The following CCBE1 variants were observed in gnomAD, a reference collection of about 807,000 sequenced individuals.
CCBE1 encodes collagen and calcium-binding EGF domain-containing protein 1.
In CCBE1, 37 loss-of-function variants were observed where a neutral mutation model predicts 50.0. That is an observed-to-expected ratio of 0.74 (90% CI 0.57 to 0.97). The LOEUF (loss-of-function observed/expected upper bound fraction) is 0.97, where lower values mean the gene tolerates loss of function less well. Ranked by LOEUF, CCBE1 falls within the 50% of genes least tolerant of loss-of-function variation. CCBE1 has a pLI of 0.00. For synonymous variants in CCBE1, 234 were observed against 203.7 expected (o/e 1.15, Z -1.27); for missense variants, 538 against 523.8 (o/e 1.03, Z -0.26).
intron 2 of CCBE1, among the ~76,000 whole-genome samples, chr18:59,648,648 G>A (rs2054087491): frequency 1.3e-5 from 2 of 152,332 alleles, no homozygotes; most frequent in South Asian, 4.1e-4. Flanking sequence ...GTTGCAGTGA[G>A]CCAGGATCAC....
intron 2 of CCBE1, among the ~76,000 whole-genome samples, chr18:59,649,250 C>T (rs1039743335): frequency 7.9e-5 from 12 of 152,166 alleles, no homozygotes; most frequent in Non-Finnish European, 1.5e-4. Flanking sequence ...GTTGTTGTAC[C>T]TCTGGGCTCA....
chr18:59,581,771 C>A (rs1259430156), intron 2 of CCBE1, among the ~76,000 whole-genome samples: 3 of 152,152 alleles, frequency 2.0e-5, no homozygotes, highest in Admixed American at 6.5e-5. Flanking sequence ...TAGCAGCATT[C>A]CTGGTATCCA....
At chr18:59,454,218 C>CGGAA (rs1568147339) in intron 6 of CCBE1, among the ~76,000 whole-genome samples, 1 of 152,014 alleles carries the variant, frequency 6.6e-6, no homozygotes, top group African/African-American at 2.4e-5. Context: ...AGATTATTTC[C>CGGAA]ATAATCTATG....
At chr18:59,688,866 G>A (rs964699933) in intron 2 of CCBE1, among the ~76,000 whole-genome samples, 32 of 152,122 alleles carry the variant, frequency 2.1e-4, no homozygotes, top group African/African-American at 7.7e-4. Flanking sequence ...AGATGAAGAT[G>A]AGTAAGTGAC....
intron 2 of CCBE1, among the ~76,000 whole-genome samples, chr18:59,620,270 C>T (rs1036024863): frequency 1.1e-4 from 17 of 152,068 alleles, no homozygotes; most frequent in Admixed American, 5.2e-4. Flanking sequence ...GAGAGATTAC[C>T]CTGGCTAAAC....
chr18:59,453,338 A>G (rs1911029689), intron 6 of CCBE1, among the ~76,000 whole-genome samples: 1 of 152,178 alleles, frequency 6.6e-6, no homozygotes. Flanking sequence ...AATACAACTA[A>G]CATCAACCTA....
At chr18:59,499,252 C>G (rs915840088) in intron 2 of CCBE1, among the ~76,000 whole-genome samples, 2 of 152,086 alleles carry the variant, frequency 1.3e-5, no homozygotes, top group African/African-American at 4.8e-5. Flanking sequence ...GATGGAATTT[C>G]AGGCACTATA....
At chr18:59,582,714 C>G (rs1365661570) in intron 2 of CCBE1, among the ~76,000 whole-genome samples, 1 of 152,206 alleles carries the variant, frequency 6.6e-6, no homozygotes, top group African/African-American at 2.4e-5. Context: ...CTACCCTGCT[C>G]CCAAACTCTT....
chr18:59,432,450 C>T lies in CCBE1; in HGVS notation c.*3458G>A, dbSNP rs967845498. The T allele has an allele frequency of 6.6e-6, 1 of 152,110 alleles. No individual in the cohort carries two copies. The highest frequency in any genetic ancestry group is 1.5e-5 in the Non-Finnish European group (1 of 68,008). 9.4% of individuals were successfully genotyped at this position (152,110 alleles called of 1,614,324 possible). A position where few individuals can be genotyped will look rare whatever the true frequency, so the allele number is the denominator to read the frequency against. On this transcript the variant is annotated 3_prime_UTR_variant, in exon 11 of 11. Transcript: ENST00000439986. ...TAGAAGCACTGTTACAAATCTTACC[C>T]CAGAAATAGCTTTCCCATTAGGTTT... is the stretch of plus-strand genomic sequence containing the variant.
chr18:59,643,479 G>T (rs552180749), intron 2 of CCBE1, among the ~76,000 whole-genome samples: 1 of 152,240 alleles, frequency 6.6e-6, no homozygotes, highest in South Asian at 2.1e-4. Flanking sequence ...TGTTCAAGTG[G>T]TTTAGGGAAA....
At chr18:59,633,453 T>C (rs756027048) in intron 2 of CCBE1, among the ~76,000 whole-genome samples, 1 of 152,248 alleles carries the variant, frequency 6.6e-6, no homozygotes, top group Non-Finnish European at 1.5e-5. Flanking sequence ...TGTTTCATTA[T>C]TTATTGCCAA....
chr18:59,540,731 A>T (rs1280278396), intron 2 of CCBE1, among the ~76,000 whole-genome samples: 1 of 152,266 alleles, frequency 6.6e-6, no homozygotes, highest in Admixed American at 6.5e-5. Flanking sequence ...GAACACAGAC[A>T]TGCCCTTTAT....
At chr18:59,466,249 A>AC (rs1911734620) in intron 5 of CCBE1, among the ~76,000 whole-genome samples, 1 of 152,024 alleles carries the variant, frequency 6.6e-6, no homozygotes, top group African/African-American at 2.4e-5. Flanking sequence ...TAATTGAATC[A>AC]TGGGGGCAGG....
intron 2 of CCBE1, among the ~76,000 whole-genome samples, chr18:59,686,526 G>C (rs1221253086): frequency 6.6e-6 from 1 of 152,220 alleles, no homozygotes; most frequent in Non-Finnish European, 1.5e-5. Context: ...GCTTCTGACA[G>C]TGAGTCCTCA....
At chr18:59,616,892 T>C (rs796620576) in intron 2 of CCBE1, among the ~76,000 whole-genome samples, 32 of 152,326 alleles carry the variant, frequency 2.1e-4, no homozygotes, top group African/African-American at 7.5e-4. Context: ...GCAAGTCAGT[T>C]CATCACTCCA....
intron 2 of CCBE1, among the ~76,000 whole-genome samples, chr18:59,671,375 A>G (rs961803375): frequency 2.3e-4 from 35 of 151,904 alleles, no homozygotes; most frequent in African/African-American, 8.0e-4. Flanking sequence ...GGAGGCGTCT[A>G]TAGTCCCAGC....
intron 3 of CCBE1, among the ~76,000 whole-genome samples, chr18:59,471,887 G>C (rs966279667): frequency 6.6e-6 from 1 of 152,228 alleles, no homozygotes; most frequent in African/African-American, 2.4e-5. Context: ...TTCAATAGCA[G>C]CTGCAAGCCG....
intron 2 of CCBE1, among the ~76,000 whole-genome samples, chr18:59,530,641 G>A (rs4566280): frequency 0.28 from 42,111 of 152,072 alleles, 6,017 homozygotes; most frequent in African/African-American, 0.33. Flanking sequence ...AAAGGCACAA[G>A]CATTCACATG....
intron 3 of CCBE1, among the ~76,000 whole-genome samples, chr18:59,473,005 C>T (rs1912110118): frequency 3.3e-5 from 5 of 152,192 alleles, no homozygotes; most frequent in African/African-American, 7.2e-5. Flanking sequence ...ATTCAATTAT[C>T]TCCACCTGGC....
Sources: allele counts gnomAD v4.1 joint callset (sites outside exome capture counted in the v4.1 genomes callset), GRCh38; gene constraint gnomAD v4.1.1; transcripts MANE v1.5; gene names NCBI Gene and HGNC (gene_info 2026-07-23, HGNC 2026-07-21).